SLC24A2: variants seen among roughly 807,000 people sequenced by gnomAD.
SLC24A2 encodes solute carrier family 24 member 2.
Under a neutral mutation model 62.0 loss-of-function variants are expected in SLC24A2, and 36 were observed. The observed-to-expected ratio is 0.58, with a 90% CI of 0.44 to 0.77. SLC24A2 has a LOEUF of 0.77. SLC24A2 is among the 30% of genes least tolerant of loss of function. The probability of loss-of-function intolerance (pLI) is 0.00; values close to 1 mark genes in which losing one functional copy is unlikely to be tolerated. For missense variants in SLC24A2, 846 were observed against 817.9 expected, an observed-to-expected ratio of 1.03 and a Z score of -0.42; for synonymous variants, 358 against 294.0, an observed-to-expected ratio of 1.22 and a Z score of -2.23.
At chr9:20,184,689 T>C in the SLC24A2 span, among the ~76,000 whole-genome samples, 1 of 152,188 alleles carries the variant, frequency 6.6e-6, no homozygotes, top group Non-Finnish European at 1.5e-5. Flanking sequence ...GAGAACAGTA[T>C]GGAGGGTCCT....
chr9:20,104,196 A>G, the SLC24A2 span, among the ~76,000 whole-genome samples: 11 of 152,222 alleles, frequency 7.2e-5, no homozygotes, highest in East Asian at 1.5e-3. Flanking sequence ...ATATGGGACT[A>G]TGTGAAAAGA....
chr9:19,595,711 G>A lies in SLC24A2; in HGVS notation c.1129+1518C>T, dbSNP rs567618836. ...GCTCAGATGAATGTGAGAAGAGGAA[G>A]GAAAGGAGAAGGGGATGGCAGGGAA... On this transcript the variant is annotated intron_variant, in intron 5 of 10. Coordinates refer to ENST00000341998, the MANE Select transcript of SLC24A2 (RefSeq NM_020344.4). Among the ~76,000 whole-genome samples, 8 of 152,280 alleles carry A rather than the reference G, an allele frequency of 5.3e-5. No individual in the cohort carries two copies. The East Asian group carries it at 9.6e-4, about 18-fold the overall frequency.
At chr9:20,208,186 T>C in the SLC24A2 span, among the ~76,000 whole-genome samples, 1 of 152,192 alleles carries the variant, frequency 6.6e-6, no homozygotes, top group Non-Finnish European at 1.5e-5. Flanking sequence ...GGTAGGCACA[T>C]GTGGGTGTTA....
chr9:19,698,426 A>C (rs976013747), intron 2 of SLC24A2, among the ~76,000 whole-genome samples: 1 of 152,210 alleles, frequency 6.6e-6, no homozygotes, highest in Non-Finnish European at 1.5e-5. Context: ...AAAAATCTGC[A>C]ATCCAAAACA....
the SLC24A2 span, among the ~76,000 whole-genome samples, chr9:20,111,488 C>G: frequency 6.6e-6 from 1 of 152,156 alleles, no homozygotes; most frequent in Non-Finnish European, 1.5e-5. Flanking sequence ...CTTTATTAAT[C>G]TCTTCTCAAA....
At chr9:19,546,248 C>T (rs965051361) in intron 8 of SLC24A2, among the ~76,000 whole-genome samples, 1 of 152,240 alleles carries the variant, frequency 6.6e-6, no homozygotes, top group Non-Finnish European at 1.5e-5. Context: ...CTCTTCAGAG[C>T]CAGTAGGCAG....
At chr9:19,806,810 A>G in the SLC24A2 span, among the ~76,000 whole-genome samples, 2 of 152,122 alleles carry the variant, frequency 1.3e-5, no homozygotes, top group Non-Finnish European at 2.9e-5. Flanking sequence ...GCTCTCTCAC[A>G]ACTTAAAGTG....
At chr9:19,852,711 T>A in the SLC24A2 span, among the ~76,000 whole-genome samples, 1 of 152,226 alleles carries the variant, frequency 6.6e-6, no homozygotes, top group African/African-American at 2.4e-5. Flanking sequence ...CATGCTGTTT[T>A]GGTTACTGTA....
the SLC24A2 span, among the ~76,000 whole-genome samples, chr9:20,116,514 T>C: frequency 1.5e-3 from 223 of 152,282 alleles, no homozygotes; most frequent in African/African-American, 4.1e-3. Flanking sequence ...TCTTCGTAGT[T>C]CTCCAATGGG....
At chr9:20,161,472 T>G in the SLC24A2 span, among the ~76,000 whole-genome samples, 1 of 151,212 alleles carries the variant, frequency 6.6e-6, no homozygotes, top group African/African-American at 2.4e-5. Context: ...TGATGAAAAA[T>G]CCTAAATAAC....
intron 4 of SLC24A2, among the ~76,000 whole-genome samples, chr9:19,611,491 G>A (rs1433162597): frequency 6.6e-6 from 1 of 151,916 alleles, no homozygotes. Flanking sequence ...GGGGAAAGGC[G>A]GAAGGAGGTA....
At chr9:19,784,953 AC>A (rs1345029625) in intron 2 of SLC24A2, among the ~76,000 whole-genome samples, 1 of 151,616 alleles carries the variant, frequency 6.6e-6, no homozygotes, top group African/African-American at 2.4e-5. Flanking sequence ...AAAATCTTTC[AC>A]CCCCTGCTCA....
the SLC24A2 span, among the ~76,000 whole-genome samples, chr9:20,172,553 C>T: frequency 6.6e-6 from 1 of 151,894 alleles, no homozygotes; most frequent in Non-Finnish European, 1.5e-5. Flanking sequence ...AAAGATCATT[C>T]AAGGCTACTA....
At chr9:19,988,828 C>T in the SLC24A2 span, among the ~76,000 whole-genome samples, 5 of 152,242 alleles carry the variant, frequency 3.3e-5, no homozygotes, top group East Asian at 9.7e-4. Context: ...CACACACTCC[C>T]CTTTCACTCC....
chr9:19,649,014 A>C (rs1184406323), intron 2 of SLC24A2, among the ~76,000 whole-genome samples: 2 of 150,982 alleles, frequency 1.3e-5, no homozygotes, highest in Admixed American at 6.6e-5. Context: ...AAAAAAAAAA[A>C]AAAAACAAAA....
the SLC24A2 span, among the ~76,000 whole-genome samples, chr9:19,948,577 G>A: frequency 6.6e-6 from 1 of 152,184 alleles, no homozygotes; most frequent in African/African-American, 2.4e-5. Context: ...GAGCTAACGG[G>A]CCGGGCGCGG....
chr9:19,844,697 T>A, the SLC24A2 span, among the ~76,000 whole-genome samples: 1 of 152,104 alleles, frequency 6.6e-6, no homozygotes, highest in East Asian at 1.9e-4. Flanking sequence ...TTTTTTTATA[T>A]GGTGAAAGGC....
chr9:19,804,445 T>C, the SLC24A2 span, among the ~76,000 whole-genome samples: 2 of 152,150 alleles, frequency 1.3e-5, no homozygotes, highest in Non-Finnish European at 2.9e-5. Context: ...CTAATTTCAG[T>C]TTTCAATTTT....
the SLC24A2 span, among the ~76,000 whole-genome samples, chr9:20,122,686 G>GA: frequency 6.6e-6 from 1 of 151,864 alleles, no homozygotes; most frequent in Non-Finnish European, 1.5e-5. Flanking sequence ...ACTCTGTCTC[G>GA]AAAAAACAAA....
Sources: allele counts gnomAD v4.1 joint callset (sites outside exome capture counted in the v4.1 genomes callset), GRCh38; gene constraint gnomAD v4.1.1; transcripts MANE v1.5; gene names NCBI Gene and HGNC (gene_info 2026-07-23, HGNC 2026-07-21).